The following PDE1C variants were observed in gnomAD, a reference collection of about 807,000 sequenced individuals.
The protein encoded by PDE1C is phosphodiesterase 1C, also known as dual specificity calcium/calmodulin-dependent 3',5'-cyclic nucleotide phosphodiesterase 1C.
In PDE1C, 62 loss-of-function variants were observed where a neutral mutation model predicts 93.1. The observed-to-expected ratio is 0.67, with a 90% CI of 0.54 to 0.82. The LOEUF (loss-of-function observed/expected upper bound fraction) is 0.82, where lower values mean the gene tolerates loss of function less well. Among genes scored for constraint, PDE1C ranks in the 40% least tolerant of loss-of-function variants. PDE1C has a pLI of 0.00. For synonymous variants in PDE1C, 325 were observed against 310.1 expected, an observed-to-expected ratio of 1.05 and a Z score of -0.50; for missense variants, 742 against 884.6, an observed-to-expected ratio of 0.84 and a Z score of 2.04.
intron 2 of PDE1C, among the ~76,000 whole-genome samples, chr7:31,915,776 T>G (rs1455942632): frequency 1.3e-5 from 2 of 152,178 alleles, no homozygotes; most frequent in African/African-American, 4.8e-5. Flanking sequence ...AAAGGAAAGA[T>G]TAACAAGAGG....
chr7:31,835,893 T>G (rs1791033780), intron 11 of PDE1C, among the ~76,000 whole-genome samples: 1 of 152,060 alleles, frequency 6.6e-6, no homozygotes, highest in Non-Finnish European at 1.5e-5. Flanking sequence ...GCATTCAGAC[T>G]TGAAATCTAA....
At chr7:32,411,101 C>T (rs898016874) in intron 1 of PDE1C, among the ~76,000 whole-genome samples, 18 of 152,120 alleles carry the variant, frequency 1.2e-4, no homozygotes, top group African/African-American at 4.3e-4. Context: ...CAAAAATAGA[C>T]ATTTTAATAA....
At chr7:31,684,248 G>A in the PDE1C span, among the ~76,000 whole-genome samples, 1 of 152,186 alleles carries the variant, frequency 6.6e-6, no homozygotes, top group Middle Eastern at 3.4e-3. Flanking sequence ...GGGAAATCAG[G>A]GATTCATACT....
At chr7:32,237,587 C>CA (rs1436852884) in intron 1 of PDE1C, among the ~76,000 whole-genome samples, 6 of 149,646 alleles carry the variant, frequency 4.0e-5, no homozygotes, top group Non-Finnish European at 4.4e-5. Context: ...AAATTTGAGG[C>CA]AAAAAAAATC....
downstream of PDE1C, among the ~76,000 whole-genome samples, chr7:31,748,689 G>A (rs1794056783): frequency 1.3e-5 from 2 of 152,172 alleles, no homozygotes; most frequent in South Asian, 4.2e-4. Flanking sequence ...CACCATCTAT[G>A]ATGCAGGGCC....
At chr7:32,047,530 T>G (rs1047668452) in intron 2 of PDE1C, among the ~76,000 whole-genome samples, 1 of 152,170 alleles carries the variant, frequency 6.6e-6, no homozygotes, top group African/African-American at 2.4e-5. Flanking sequence ...TACTGAAATT[T>G]GGTCTTGGAA....
At position 32,267,586 on chromosome 7, in the gene PDE1C, A is replaced by ACTCTCTCTCTCTCTCT. The variant is rs57210713; in HGVS notation, c.85+31049_85+31064dup. Among the ~76,000 whole-genome samples the ACTCTCTCTCTCTCTCT allele has an allele frequency of 1.4e-3, 166 of 117,580 alleles. 5 individuals are homozygous for ACTCTCTCTCTCTCTCT. The highest frequency in any genetic ancestry group is 5.0e-3 in the African/African-American group (148 of 29,432). The allele number at this position is 117,580 out of a possible 152,430, so 77.1% of individuals were successfully genotyped here. On this transcript the variant is annotated intron_variant, in intron 1 of 18. Coordinates refer to the PDE1C transcript ENST00000396193. ...TTCTCTCTCTCTCACACACACACAC[A>ACTCTCTCTCTCTCTCT]CTCTCTCTCTCTCTCTCTCTCTCTC...
At chr7:31,805,627 C>G (rs1410077118) in intron 16 of PDE1C, among the ~76,000 whole-genome samples, 1 of 150,602 alleles carries the variant, frequency 6.6e-6, no homozygotes, top group Non-Finnish European at 1.5e-5. Context: ...ATTGAAACCA[C>G]AGAAAGTGAA....
intron 2 of PDE1C, among the ~76,000 whole-genome samples, chr7:31,951,676 C>T (rs1268013106): frequency 6.6e-6 from 1 of 152,210 alleles, no homozygotes; most frequent in African/African-American, 2.4e-5. Context: ...AATGCATCTT[C>T]TCCATGGCGA....
intron 2 of PDE1C, among the ~76,000 whole-genome samples, chr7:31,883,489 T>C (rs1211479347): frequency 1.3e-5 from 2 of 152,248 alleles, no homozygotes; most frequent in Admixed American, 6.5e-5. Context: ...CTCCTTTTAC[T>C]AGGACAATCT....
intron 3 of PDE1C, among the ~76,000 whole-genome samples, chr7:32,101,177 C>G (rs1468279113): frequency 6.6e-6 from 1 of 152,190 alleles, no homozygotes; most frequent in East Asian, 1.9e-4. Context: ...TCACATCAAA[C>G]ACAGATGTGA....
intron 1 of PDE1C, among the ~76,000 whole-genome samples, chr7:32,348,868 T>C (rs780476023): frequency 7.9e-5 from 12 of 151,222 alleles, no homozygotes; most frequent in Non-Finnish European, 1.6e-4. Flanking sequence ...CTCACCCACA[T>C]TGGCCAACTC....
At chr7:31,715,250 T>A in the PDE1C span, among the ~76,000 whole-genome samples, 1 of 152,152 alleles carries the variant, frequency 6.6e-6, no homozygotes, top group Non-Finnish European at 1.5e-5. Context: ...GGCCTCTTTT[T>A]TTTTTTGAGA....
intron 2 of PDE1C, among the ~76,000 whole-genome samples, chr7:31,888,563 A>G (rs998437095): frequency 7.9e-5 from 12 of 152,164 alleles, no homozygotes; most frequent in Admixed American, 7.2e-4. Flanking sequence ...GACATTTAGA[A>G]AGGTAAAAGG....
intron 1 of PDE1C, among the ~76,000 whole-genome samples, chr7:32,271,091 T>C (rs1156488789): frequency 6.6e-6 from 1 of 152,154 alleles, no homozygotes; most frequent in Non-Finnish European, 1.5e-5. Context: ...TGAGCAGAGA[T>C]AGCACCATTG....
At chr7:32,011,473 T>C (rs1787104169) in intron 2 of PDE1C, among the ~76,000 whole-genome samples, 1 of 152,202 alleles carries the variant, frequency 6.6e-6, no homozygotes, top group Non-Finnish European at 1.5e-5. Context: ...ATTACAGGCA[T>C]GAGCCACCAC....
intron 1 of PDE1C, among the ~76,000 whole-genome samples, chr7:32,211,847 C>A (rs1038139599): frequency 6.6e-6 from 1 of 150,624 alleles, no homozygotes; most frequent in East Asian, 1.9e-4. Context: ...CATAGTGAGA[C>A]CCTGTCTCCA....
intron 2 of PDE1C, among the ~76,000 whole-genome samples, chr7:32,017,966 G>A (rs1788133801): frequency 6.6e-6 from 1 of 151,962 alleles, no homozygotes; most frequent in South Asian, 2.1e-4. Context: ...TGTGGTCCCT[G>A]CTACTTGGGA....
At chr7:32,426,880 A>C (rs1021454164) in intron 1 of PDE1C, among the ~76,000 whole-genome samples, 3 of 152,174 alleles carry the variant, frequency 2.0e-5, no homozygotes, top group Non-Finnish European at 4.4e-5. Context: ...CTTCTTGAAA[A>C]GTCAACAGAC....
Sources: allele counts gnomAD v4.1 joint callset (sites outside exome capture counted in the v4.1 genomes callset), GRCh38; gene constraint gnomAD v4.1.1; transcripts MANE v1.5; gene names NCBI Gene and HGNC (gene_info 2026-07-23, HGNC 2026-07-21).